Variants in ESR1 observed in about 807,000 individuals in gnomAD.
ESR1 encodes estrogen receptor 1.
ESR1 carries 12 observed loss-of-function variants against 52.7 expected under a neutral mutation model. The observed-to-expected ratio is 0.23, with a 90% CI of 0.15 to 0.37. The LOEUF (loss-of-function observed/expected upper bound fraction) is 0.37. Ranked by LOEUF, ESR1 falls within the 10% of genes least tolerant of loss-of-function variation. The pLI is 1.00. For missense variants in ESR1, 584 were observed against 779.7 expected, an observed-to-expected ratio of 0.75 and a Z score of 2.99; for synonymous variants, 305 against 316.8, an observed-to-expected ratio of 0.96 and a Z score of 0.39.
chr6:151,918,746 C>T (rs2030931757), intron 3 of ESR1, among the ~76,000 whole-genome samples: 1 of 152,166 alleles, frequency 6.6e-6, no homozygotes, highest in African/African-American at 2.4e-5. Context: ...TGTATAACCT[C>T]CTTCTCACTA....
At chr6:151,779,501 G>A (rs1786326342) in intron 2 of ESR1, among the ~76,000 whole-genome samples, 1 of 152,114 alleles carries the variant, frequency 6.6e-6, no homozygotes, top group Non-Finnish European at 1.5e-5. Flanking sequence ...AGTCAGAATG[G>A]TTGTTATTAA....
At chr6:151,810,144 G>A (rs1005860829) in intron 1 of ESR1, among the ~76,000 whole-genome samples, 1 of 151,960 alleles carries the variant, frequency 6.6e-6, no homozygotes, top group Non-Finnish European at 1.5e-5. Context: ...AATACAGAGG[G>A]GATCGCATCT....
intron 3 of ESR1, among the ~76,000 whole-genome samples, chr6:151,922,174 T>G (rs1364936287): frequency 1.3e-5 from 2 of 152,134 alleles, no homozygotes; most frequent in Admixed American, 1.3e-4. Context: ...CTACAACGAT[T>G]TGACCTTCGA....
chr6:151,931,468 A>G (rs941632756), intron 3 of ESR1, among the ~76,000 whole-genome samples: 3 of 150,782 alleles, frequency 2.0e-5, no homozygotes, highest in Non-Finnish European at 3.0e-5. Context: ...TTTTTTTATT[A>G]TACTTTAAGT....
At chr6:151,735,852 T>TG (rs989855878) in intron 2 of ESR1, among the ~76,000 whole-genome samples, 2 of 152,178 alleles carry the variant, frequency 1.3e-5, no homozygotes, top group African/African-American at 2.4e-5. Flanking sequence ...GATTGGATCA[T>TG]GGGGGGCAAT....
chr6:151,952,929 C>A (rs2036480960), intron 4 of ESR1, among the ~76,000 whole-genome samples: 1 of 152,150 alleles, frequency 6.6e-6, no homozygotes, highest in South Asian at 2.1e-4. Flanking sequence ...GTCAGGGTAG[C>A]TTTCATTTAA....
intron 2 of ESR1, among the ~76,000 whole-genome samples, chr6:151,872,151 T>C: frequency 6.6e-6 from 1 of 152,234 alleles, no homozygotes; most frequent in East Asian, 1.9e-4. Context: ...AAGTGGAACA[T>C]GGTCTCCCAC....
chr6:151,893,207 G>C (rs1281540984), intron 3 of ESR1, among the ~76,000 whole-genome samples: 1 of 152,090 alleles, frequency 6.6e-6, no homozygotes, highest in East Asian at 1.9e-4. Flanking sequence ...AAATTAGCCA[G>C]GCATGGCGGG....
intron 4 of ESR1, among the ~76,000 whole-genome samples, chr6:151,991,926 G>A (rs1369888243): frequency 1.3e-5 from 2 of 151,958 alleles, no homozygotes; most frequent in South Asian, 2.1e-4. Flanking sequence ...CATACTCCTG[G>A]TTGACTTGCT....
chr6:151,907,712 T>A (rs1584133801), intron 3 of ESR1, among the ~76,000 whole-genome samples: 2 of 152,290 alleles, frequency 1.3e-5, no homozygotes, highest in Admixed American at 1.3e-4. Flanking sequence ...GGGAACAGCT[T>A]TTCTTGCTAA....
chr6:151,916,528 T>A (rs1012025835), intron 3 of ESR1, among the ~76,000 whole-genome samples: 7 of 152,170 alleles, frequency 4.6e-5, no homozygotes, highest in African/African-American at 1.4e-4. Flanking sequence ...GGAATAAGCA[T>A]GGTGAGAAAG....
rs191659948 is a variant in ESR1, at chr6:151,977,806, T to C, written c.1096+33298T>C. On this transcript the variant is annotated intron_variant, in intron 4 of 7. Transcript: ENST00000206249. ...TGAGACACCATCTCAAAAATAATAA[T>C]AATAAAAAAAAGTGACTGCAGGGGA... is the stretch of plus-strand genomic sequence containing the variant. Among the ~76,000 whole-genome samples the C allele has an allele frequency of 1.1e-3, 169 of 150,286 alleles. 2 individuals carry two copies. The highest frequency in any genetic ancestry group is 5.3e-4 in the Non-Finnish European group (36 of 67,518).
chr6:151,734,799 T>G (rs896864447), intron 2 of ESR1, among the ~76,000 whole-genome samples: 1 of 151,998 alleles, frequency 6.6e-6, no homozygotes, highest in Non-Finnish European at 1.5e-5. Context: ...ATTTTTGTAT[T>G]TTAGTAGAGA....
intron 6 of ESR1, among the ~76,000 whole-genome samples, chr6:152,064,444 A>T (rs1271909648): frequency 1.3e-5 from 2 of 152,212 alleles, no homozygotes; most frequent in Non-Finnish European, 2.9e-5. Context: ...AAGTTTTGCG[A>T]CTACCCCAGT....
intron 2 of ESR1, among the ~76,000 whole-genome samples, chr6:151,752,368 G>GATT (rs1246495868): frequency 3.3e-5 from 5 of 151,932 alleles, no homozygotes; most frequent in African/African-American, 1.2e-4. Flanking sequence ...TGGGGTAAAT[G>GATT]TAGAGGCAAT....
In ESR1 at chr6:151,831,004, A is replaced by G. The variant is rs1474632923; in HGVS notation, c.453-11593A>G. ...AACTTTCATCAAGTCATTCTCTTAT[A>G]TGACTCTCAGCTCCATTAACTCTGT... is the stretch of plus-strand genomic sequence containing the variant. On this transcript the variant is annotated intron_variant, in intron 1 of 7. Coordinates refer to ENST00000206249, the MANE Select transcript of ESR1 (RefSeq NM_000125.4). Among the ~76,000 whole-genome samples, 3 of 152,192 alleles carry G rather than the reference A, an allele frequency of 2.0e-5. No homozygotes were observed. The East Asian group carries it at 5.8e-4, about 29-fold the overall frequency.
intron 2 of ESR1, among the ~76,000 whole-genome samples, chr6:151,783,191 C>T (rs1329918277): frequency 1.3e-5 from 2 of 152,236 alleles, no homozygotes; most frequent in African/African-American, 4.8e-5. Flanking sequence ...AGTCAGCTCC[C>T]CAAACCAAAC....
intron 2 of ESR1, among the ~76,000 whole-genome samples, chr6:151,791,406 G>A (rs995029322): frequency 6.6e-5 from 10 of 152,154 alleles, no homozygotes; most frequent in Non-Finnish European, 1.0e-4. Context: ...AAGCGCCTTT[G>A]CTCTTCCTTT....
chr6:151,974,297 G>A (rs2039217879), intron 4 of ESR1, among the ~76,000 whole-genome samples: 1 of 152,178 alleles, frequency 6.6e-6, no homozygotes, highest in African/African-American at 2.4e-5. Flanking sequence ...CAGGCACTTG[G>A]CTAAGCACTT....
Sources: gnomAD v4.1 joint callset for allele counts (sites outside exome capture counted in the v4.1 genomes callset) on GRCh38, gnomAD v4.1.1 for gene constraint, MANE v1.5 for transcripts, NCBI Gene and HGNC (gene_info 2026-07-23, HGNC 2026-07-21) for gene names.